Variants in FAT4 observed in about 807,000 individuals in gnomAD.
The protein encoded by FAT4 is protocadherin Fat 4.
Under a neutral mutation model 303.9 loss-of-function variants are expected in FAT4, and 84 were observed. The ratio of observed to expected loss-of-function variants is 0.28; its 90% CI spans 0.23 to 0.33. The LOEUF (loss-of-function observed/expected upper bound fraction) is 0.33. Ranked by LOEUF, FAT4 falls within the 10% of genes least tolerant of loss-of-function variation. FAT4 has a pLI of 1.00. For missense variants in FAT4, 6,005 were observed against 6,146.8 expected (o/e 0.98, Z 0.77); for synonymous variants, 2,307 against 2,298.8 (o/e 1.00, Z -0.10).
chr4:125,449,447 A>G lies in FAT4; in HGVS notation c.8437A>G (p.Ile2813Val), dbSNP rs770091064. 7 of 1,613,896 alleles carry G rather than the reference A, an allele frequency of 4.3e-6. No homozygotes were observed. The highest frequency in any genetic ancestry group is 3.3e-5 in the South Asian group (3 of 91,076). Reference protein sequence around the residue: ...IGINAISRYSIMDASLPFTIN... With the variant: ...IGINAISRYSVMDASLPFTIN... ...GATCAATGCAATTAGTAGATATTCT[A>G]TAATGGATGCAAGTCTTCCATTTAC... Residue 2813 changes from isoleucine to valine, a missense_variant, in exon 10 of 18, where the codon ATA becomes GTA. Coordinates refer to ENST00000394329, the MANE Select transcript of FAT4 (RefSeq NM_001291303.3).
In FAT4 at chr4:125,449,800, C is replaced by G. The variant is rs752696317; in HGVS notation, c.8790C>G (p.Phe2930Leu). 1 of 1,613,708 alleles carries G rather than the reference C, an allele frequency of 6.2e-7. No homozygotes were observed. The highest frequency in any genetic ancestry group is 2.2e-5 in the East Asian group (1 of 44,850). The change falls in exon 10 of 18, where the codon TTC becomes TTG. Residue 2930 changes from phenylalanine to leucine, a missense_variant. By Grantham distance (22) the Phe-to-Leu change is conservative (BLOSUM62 0). Coordinates refer to ENST00000394329, the MANE Select transcript of FAT4 (RefSeq NM_001291303.3). ...FRINATTGEI[F>L]NKQILKYQNV... ...TTAATGCCACCACTGGAGAGATTTT[C>G]AATAAACAGATCTTAAAATACCAAA...
At chr4:125,440,610 T>TGTGTGTGTGTGAGAGAGAGAGAGAGA (rs372756130) in intron 8 of FAT4, among the ~76,000 whole-genome samples, 2 of 75,750 alleles carry the variant, frequency 2.6e-5, no homozygotes, top group African/African-American at 1.2e-4. Context: ...TGTGTGTGTG[T>TGTGTGTGTGTGAGAGAGAGAGAGAGA]GAGAGAGAGA....
chr4:125,316,404 C>T lies in FAT4; in HGVS notation c.-8C>T. Reference sequence around the variant, plus strand: ...CTCTTTATCACATCGTTTTAGGGAGCCAGGACCATGGACTTAGCACCAGAC... The same window carrying T: ...CTCTTTATCACATCGTTTTAGGGAGTCAGGACCATGGACTTAGCACCAGAC... On this transcript the variant is annotated 5_prime_UTR_variant, in exon 2 of 18. Coordinates refer to ENST00000394329, the MANE Select transcript of FAT4 (RefSeq NM_001291303.3). The surrounding 1 kb of genome is among the most constrained non-coding windows in gnomAD (Gnocchi z 5.7). 6.3e-7 allele frequency: 1 copy of T among 1,599,008 alleles called. No individual in the cohort carries two copies. Among genetic ancestry groups the T allele is most frequent in the Non-Finnish European group, 8.5e-7 (1 of 1,170,474 alleles).
At chr4:125,474,556 A>C (rs1726965880) in intron 12 of FAT4, among the ~76,000 whole-genome samples, 1 of 151,990 alleles carries the variant, frequency 6.6e-6, no homozygotes, top group South Asian at 2.1e-4. Flanking sequence ...GGCAAAAAAA[A>C]TTCCATGTGG....
chr4:125,454,664 C>G (rs1422482680), intron 10 of FAT4, among the ~76,000 whole-genome samples: 1 of 152,136 alleles, frequency 6.6e-6, no homozygotes. Flanking sequence ...TGAAACCCAT[C>G]TCTACTAAAA....
rs762641926 is a variant in FAT4 at position 125,316,839 on chromosome 4, C to T, written c.428C>T (p.Thr143Ile). 15 of 1,613,968 alleles carry T rather than the reference C, an allele frequency of 9.3e-6. No individual in the cohort carries two copies. In the South Asian group the frequency reaches 9.9e-5, roughly 11 times the overall value. The change falls in exon 2 of 18, where the codon ACT becomes ATT. Residue 143 changes from threonine (T) to isoleucine (I), a missense_variant. Coordinates refer to ENST00000394329, the MANE Select transcript of FAT4 (RefSeq NM_001291303.3). This position sits in a 1 kb window ranked among gnomAD's most constrained non-coding sequence, Gnocchi z 5.7. The stretch of plus-strand genomic sequence containing the variant: ...TTCCCGGACCCCTCTATCGTGGTCA[C>T]TTTCAAGGAAGACAGTAGCAGCGGA... ...PVFPDPSIVV[T>I]FKEDSSSGRQ...
At chr4:125,447,886 CAT>C (rs1725881916) in intron 9 of FAT4, among the ~76,000 whole-genome samples, 1 of 151,978 alleles carries the variant, frequency 6.6e-6, no homozygotes, top group African/African-American at 2.4e-5. Context: ...TATACACACA[CAT>C]ATAAACATAC....
chr4:125,477,581 A>G (rs752725563), intron 14 of FAT4, among the ~76,000 whole-genome samples: 3 of 151,110 alleles, frequency 2.0e-5, no homozygotes, highest in Non-Finnish European at 4.4e-5. Context: ...GGGCATGTAT[A>G]TGTTTTATCC....
intron 2 of FAT4, among the ~76,000 whole-genome samples, chr4:125,322,493 C>T (rs1447868657): frequency 2.0e-5 from 3 of 152,048 alleles, no homozygotes; most frequent in Admixed American, 6.6e-5. Flanking sequence ...TAGCTATACT[C>T]CAGAAAACTC....
At chr4:125,400,398 C>T (rs562253860) in intron 3 of FAT4, among the ~76,000 whole-genome samples, 7 of 152,090 alleles carry the variant, frequency 4.6e-5, no homozygotes, top group African/African-American at 1.7e-4. Flanking sequence ...AACACTCACC[C>T]CTTTTAATAC....
chr4:125,411,359 A>G (rs1734832031), intron 5 of FAT4, among the ~76,000 whole-genome samples: 1 of 152,022 alleles, frequency 6.6e-6, no homozygotes, highest in Non-Finnish European at 1.5e-5. Context: ...CATCACGGAA[A>G]TATTCTGGCT....
In FAT4 at chr4:125,380,525, C is replaced by G. The variant is rs573994167; in HGVS notation, c.5176-18259C>G. 4.7e-4 allele frequency among the ~76,000 whole-genome samples: 72 copies of G among 152,266 alleles called. 1 individual carries two copies. The highest frequency in any genetic ancestry group is 3.5e-3 in the Admixed American group (54 of 15,304). On this transcript the variant is annotated intron_variant, in intron 2 of 17. Coordinates refer to ENST00000394329, the MANE Select transcript of FAT4 (RefSeq NM_001291303.3). ...AAAACATGTTGAAAGTCCTTAATCT[C>G]TCTTTAGTATTAGTTTAACAGTTAA...
In FAT4 at chr4:125,320,639, G is replaced by C; in HGVS notation, c.4228G>C (p.Val1410Leu). 6.2e-7 allele frequency: 1 copy of C among 1,614,056 alleles called. No individual in the cohort carries two copies. Among genetic ancestry groups the C allele is most frequent in the Non-Finnish European group, 8.5e-7 (1 of 1,179,920 alleles). Residue 1410 changes from valine to leucine, a missense_variant, in exon 2 of 18, where the codon GTG becomes CTG. Coordinates refer to ENST00000394329, the MANE Select transcript of FAT4 (RefSeq NM_001291303.3). Reference sequence around the variant, plus strand: ...ATCTACAATGTCAGTGGTTATTCACGTGAGGGACTTTAATGACAATCCTCC... The same window carrying C: ...ATCTACAATGTCAGTGGTTATTCACCTGAGGGACTTTAATGACAATCCTCC... ...RSSTMSVVIHVRDFNDNPPSF... is the reference protein window; with the variant it reads ...RSSTMSVVIHLRDFNDNPPSF...
At chr4:125,420,181 A>G (rs1735234633) in intron 7 of FAT4, among the ~76,000 whole-genome samples, 2 of 152,176 alleles carry the variant, frequency 1.3e-5, no homozygotes, top group South Asian at 4.1e-4. Flanking sequence ...ATGATTTCTT[A>G]ACACAAATTC....
chr4:125,384,999 T>C (rs973262177), intron 2 of FAT4, among the ~76,000 whole-genome samples: 4 of 109,618 alleles, frequency 3.6e-5, no homozygotes, highest in Non-Finnish European at 7.0e-5. Flanking sequence ...TATATATATA[T>C]ACATATATAT....
At chr4:125,385,090 C>G (rs1242180755) in intron 2 of FAT4, among the ~76,000 whole-genome samples, 3 of 146,420 alleles carry the variant, frequency 2.0e-5, no homozygotes, top group Non-Finnish European at 4.5e-5. Flanking sequence ...GGCATGATCT[C>G]CACTCACTGC....
In FAT4 at chr4:125,446,445, C is replaced by A. The variant is rs775347975; in HGVS notation, c.7352C>A (p.Ser2451Tyr). 2 of 1,613,542 alleles carry A rather than the reference C, an allele frequency of 1.2e-6. No homozygotes were observed. The highest frequency in any genetic ancestry group is 2.2e-5 in the South Asian group (2 of 91,062). ...DAGSPEPLSS[S>Y]TSVLVTVTDV... is the part of the protein sequence containing the mutation. Reference sequence around the variant, plus strand: ...GGATCCCCAGAGCCTCTTTCCAGTTCCACCAGTGTGCTTGTCACTGTGACT... The same window carrying A: ...GGATCCCCAGAGCCTCTTTCCAGTTACACCAGTGTGCTTGTCACTGTGACT... The change falls in exon 9 of 18, where the codon TCC becomes TAC. Residue 2451 changes from serine (S) to tyrosine (Y), a missense_variant. Coordinates refer to ENST00000394329, the MANE Select transcript of FAT4 (RefSeq NM_001291303.3).
intron 8 of FAT4, 137 bp from the exon 9 acceptor site, chr4:125,446,156 G>A: frequency 1.4e-6 from 1 of 696,554 alleles, no homozygotes; most frequent in South Asian, 2.1e-5. Flanking sequence ...TAGACTAGTT[G>A]TATTCTTTCC....
chr4:125,438,574 C>G (rs567252800), intron 8 of FAT4, among the ~76,000 whole-genome samples: 1 of 152,196 alleles, frequency 6.6e-6, no homozygotes, highest in South Asian at 2.1e-4. Flanking sequence ...TACAGACTAT[C>G]ATATATTCAG....
Sources: allele counts gnomAD v4.1 joint callset (sites outside exome capture counted in the v4.1 genomes callset), GRCh38; gene constraint gnomAD v4.1.1; non-coding constraint Gnocchi (gnomAD v3.1); transcripts MANE v1.5; gene names NCBI Gene and HGNC (gene_info 2026-07-23, HGNC 2026-07-21).